Variants in IKZF2 observed in about 807,000 individuals in gnomAD.
IKZF2 encodes the protein zinc finger protein Helios.
Under a neutral mutation model 49.2 loss-of-function variants are expected in IKZF2, and 15 were observed. The ratio of observed to expected loss-of-function variants is 0.30; its 90% CI spans 0.20 to 0.47. The LOEUF is 0.47. IKZF2 is among the 20% of genes least tolerant of loss of function. The pLI, the probability that IKZF2 is intolerant of heterozygous loss-of-function variation, is 1.00. For missense variants in IKZF2, 567 were observed against 664.6 expected, an observed-to-expected ratio of 0.85 and a Z score of 1.61; for synonymous variants, 227 against 221.4, an observed-to-expected ratio of 1.03 and a Z score of -0.23.
intron 4 of IKZF2, among the ~76,000 whole-genome samples, chr2:213,110,459 T>A (rs1006757340): frequency 1.3e-5 from 2 of 151,894 alleles, no homozygotes; most frequent in African/African-American, 4.8e-5. Flanking sequence ...TTTTTTAATC[T>A]TAGCAATATA....
At chr2:213,057,220 G>C in intron 4 of IKZF2, 121 bp from the exon 5 acceptor site, 1 of 858,214 alleles carries the variant, frequency 1.2e-6, no homozygotes, top group Non-Finnish European at 1.8e-6. Flanking sequence ...GTAGAATAGA[G>C]TTCATCATCG....
At chr2:213,086,744 G>C (rs1704656359) in intron 4 of IKZF2, among the ~76,000 whole-genome samples, 1 of 152,146 alleles carries the variant, frequency 6.6e-6, no homozygotes, top group South Asian at 2.1e-4. Flanking sequence ...TTTAGGAATG[G>C]GTAAAGGAAT....
chr2:213,129,035 T>C (rs1263285722), intron 4 of IKZF2, among the ~76,000 whole-genome samples: 3 of 151,736 alleles, frequency 2.0e-5, no homozygotes, highest in Non-Finnish European at 4.4e-5. Flanking sequence ...AAATAGAGGG[T>C]TTAGAATGAA....
intron 4 of IKZF2, among the ~76,000 whole-genome samples, chr2:213,142,228 C>A (rs1337204690): frequency 1.3e-5 from 2 of 151,876 alleles, no homozygotes; most frequent in African/African-American, 4.8e-5. Context: ...GAGCGCCACC[C>A]CCCTCCCCAA....
chr2:213,077,371 G>C (rs1703382024), intron 4 of IKZF2, among the ~76,000 whole-genome samples: 1 of 151,844 alleles, frequency 6.6e-6, no homozygotes, highest in African/African-American at 2.4e-5. Context: ...TGAACTTTCT[G>C]TATTTAAATT....
In IKZF2 at chr2:213,022,036, C is replaced by T. The variant is rs141790172; in HGVS notation, c.669G>A (p.Gln223=). The change falls in exon 7 of 9, where the codon CAG becomes CAA. Residue 223 remains glutamine, a synonymous_variant. Transcript: ENST00000434687. ...GCCCAGCAGCCTCCATGCTGACATT[C>T]TGGAGATAGTTGTGGCAGCGTTCCT... The part of the protein sequence containing the change: ...EHKERCHNYL[Q]NVSMEAAGQV... The T allele has an allele frequency of 6.3e-5, 101 of 1,613,774 alleles. 2 individuals carry two copies. The highest frequency in any genetic ancestry group is 5.7e-4 in the South Asian group (52 of 91,072).
chr2:213,022,508 T>A (rs770388199), intron 6 of IKZF2, among the ~76,000 whole-genome samples: 3 of 150,694 alleles, frequency 2.0e-5, no homozygotes, highest in Non-Finnish European at 4.4e-5. Flanking sequence ...TTTTTTTTTG[T>A]TTGTTTTCTT....
Position 213,056,894 on chromosome 2 carries a change from G to A in IKZF2, c.345C>T (p.Asp115=), listed in dbSNP as rs1261511720. ...IRLPNGKLKC[D]VCGMVCIGPN... is the part of the protein sequence containing the mutation. ...GCCCAATGCAAACCATGCCACAGACGTCACATTTCAGTTTACCATTCGGAA... is the reference window on the plus strand; with the variant it reads ...GCCCAATGCAAACCATGCCACAGACATCACATTTCAGTTTACCATTCGGAA... The change falls in exon 5 of 9, where the codon GAC becomes GAT. Residue 115 remains aspartate, a synonymous_variant. Coordinates refer to ENST00000434687, the MANE Select transcript of IKZF2 (RefSeq NM_001387220.1). 3.7e-6 allele frequency: 6 copies of A among 1,613,764 alleles called. No individual in the cohort carries two copies. The highest frequency in any genetic ancestry group is 1.1e-5 in the South Asian group (1 of 91,062).
rs1187688438 is a variant in IKZF2 at position 213,003,690 on chromosome 2, C to G, written c.*3670G>C. 6.6e-6 allele frequency: 1 copy of G among 151,638 alleles called. No homozygotes were observed. The highest frequency in any genetic ancestry group is 6.6e-5 in the Admixed American group (1 of 15,180). 9.4% of individuals were successfully genotyped at this position (151,638 alleles called of 1,614,324 possible). A position where few individuals can be genotyped will look rare whatever the true frequency, so the allele number is the denominator to read the frequency against. Reference sequence around the variant, plus strand: ...ATAATTTTCATCTAAATGCCTTAATCTGATGTAAATTTTGTTAAACATTTA... The same window carrying G: ...ATAATTTTCATCTAAATGCCTTAATGTGATGTAAATTTTGTTAAACATTTA... On this transcript the variant is annotated 3_prime_UTR_variant, in exon 9 of 9. Transcript: ENST00000434687.
At chr2:213,074,432 A>G (rs1168253742) in intron 4 of IKZF2, among the ~76,000 whole-genome samples, 1 of 152,218 alleles carries the variant, frequency 6.6e-6, no homozygotes, top group Non-Finnish European at 1.5e-5. Flanking sequence ...ATATACACAG[A>G]AAATGTATCT....
chr2:213,068,590 A>T (rs1167390532), intron 4 of IKZF2, among the ~76,000 whole-genome samples: 1 of 152,074 alleles, frequency 6.6e-6, no homozygotes, highest in Non-Finnish European at 1.5e-5. Context: ...GGTCACTATT[A>T]TAAGTAATAG....
chr2:213,090,485 T>C (rs1203875464), intron 4 of IKZF2, among the ~76,000 whole-genome samples: 1 of 152,228 alleles, frequency 6.6e-6, no homozygotes, highest in Non-Finnish European at 1.5e-5. Flanking sequence ...TTCACATTTC[T>C]ATTTGATGCT....
chr2:213,066,120 C>G (rs948000469), intron 4 of IKZF2, among the ~76,000 whole-genome samples: 3 of 152,024 alleles, frequency 2.0e-5, no homozygotes, highest in Non-Finnish European at 2.9e-5. Flanking sequence ...GTGAAATTAT[C>G]TTTTTAATAA....
chr2:213,117,776 A>G (rs1260648898), intron 4 of IKZF2, among the ~76,000 whole-genome samples: 1 of 152,202 alleles, frequency 6.6e-6, no homozygotes, highest in East Asian at 1.9e-4. Context: ...GTATTTCCTC[A>G]TAGTGTTAGT....
At chr2:213,078,668 A>G (rs1026913945) in intron 4 of IKZF2, among the ~76,000 whole-genome samples, 1 of 152,224 alleles carries the variant, frequency 6.6e-6, no homozygotes, top group African/African-American at 2.4e-5. Context: ...TTGAAAAGTG[A>G]GTCCAGAAGG....
intron 4 of IKZF2, among the ~76,000 whole-genome samples, chr2:213,084,282 T>C (rs1220983416): frequency 6.6e-6 from 1 of 152,152 alleles, no homozygotes; most frequent in African/African-American, 2.4e-5. Flanking sequence ...AGATAATAAC[T>C]TTCCAGGGAA....
chr2:213,116,828 G>T (rs1194340650), intron 4 of IKZF2, among the ~76,000 whole-genome samples: 1 of 152,052 alleles, frequency 6.6e-6, no homozygotes, highest in Non-Finnish European at 1.5e-5. Context: ...CCTTTTACTT[G>T]TGCATGTTCC....
intron 4 of IKZF2, among the ~76,000 whole-genome samples, chr2:213,065,884 A>G (rs116963199): frequency 6.6e-6 from 1 of 152,254 alleles, no homozygotes; most frequent in East Asian, 1.9e-4. Context: ...AGTGTATACA[A>G]TCTGATATGT....
intron 4 of IKZF2, among the ~76,000 whole-genome samples, chr2:213,121,059 A>G (rs1382318478): frequency 1.3e-5 from 2 of 152,152 alleles, no homozygotes; most frequent in African/African-American, 4.8e-5. Flanking sequence ...TTTATGTATG[A>G]TGTAACTGTG....
Sources: allele counts gnomAD v4.1 joint callset (sites outside exome capture counted in the v4.1 genomes callset), GRCh38; gene constraint gnomAD v4.1.1; transcripts MANE v1.5; gene names NCBI Gene and HGNC (gene_info 2026-07-23, HGNC 2026-07-21).